CSMD1: variants seen among roughly 807,000 people sequenced by gnomAD.
The protein encoded by CSMD1 is CUB and sushi domain-containing protein 1.
In CSMD1, 213 loss-of-function variants were observed where a neutral mutation model predicts 417.5. The ratio of observed to expected loss-of-function variants is 0.51; its 90% CI spans 0.46 to 0.57. CSMD1 has a LOEUF of 0.57. Among genes scored for constraint, CSMD1 ranks in the 20% least tolerant of loss-of-function variants. CSMD1 has a pLI of 0.00. For synonymous variants in CSMD1, 2,862 were observed against 1,736.8 expected, an observed-to-expected ratio of 1.65 and a Z score of -16.11; for missense variants, 6,923 against 4,529.7, an observed-to-expected ratio of 1.53 and a Z score of -15.17.
chr8:4,280,768 T>C (rs1319143569), intron 3 of CSMD1, among the ~76,000 whole-genome samples: 6 of 152,222 alleles, frequency 3.9e-5, no homozygotes, highest in Non-Finnish European at 1.5e-5. Context: ...AAAAACATGT[T>C]ACTATATATA....
At chr8:3,958,359 AC>A (rs2129954819) in intron 5 of CSMD1, among the ~76,000 whole-genome samples, 1 of 149,844 alleles carries the variant, frequency 6.7e-6, no homozygotes, top group African/African-American at 2.5e-5. Context: ...TTGAACATTA[AC>A]TTTTAAGCTG....
intron 5 of CSMD1, among the ~76,000 whole-genome samples, chr8:3,969,741 G>T (rs181894015): frequency 4.0e-4 from 61 of 151,128 alleles, no homozygotes; most frequent in Admixed American, 4.0e-3. Context: ...ATGTGTAGAT[G>T]CCACAGAGGA....
In CSMD1 at chr8:4,375,276, G is replaced by C. The variant is rs548083582; in HGVS notation, c.415+44677C>G. On this transcript the variant is annotated intron_variant, in intron 3 of 69. Transcript: ENST00000635120. The stretch of plus-strand genomic sequence containing the variant: ...GCAGTTGTCCATAAACAGACTTCAG[G>C]AAAAGACACAAAAAAGTGTCATATC... Among the ~76,000 whole-genome samples the C allele has an allele frequency of 2.3e-3, 353 of 152,186 alleles. 1 individual carries two copies. Among genetic ancestry groups the C allele is most frequent in the African/African-American group, 8.2e-3 (342 of 41,520 alleles).
chr8:4,232,370 TG>T (rs1163349750), intron 3 of CSMD1, among the ~76,000 whole-genome samples: 3 of 152,222 alleles, frequency 2.0e-5, no homozygotes, highest in African/African-American at 7.2e-5. Context: ...GACTAATTTT[TG>T]TATTCTTAGT....
At chr8:4,452,811 C>G (rs769325285) in intron 2 of CSMD1, among the ~76,000 whole-genome samples, 1 of 152,082 alleles carries the variant, frequency 6.6e-6, no homozygotes, top group African/African-American at 2.4e-5. Context: ...AAAAATCCCC[C>G]AGTCCTCAAT....
chr8:4,207,351 AATTAGCTT>A (rs1800039601), intron 3 of CSMD1, among the ~76,000 whole-genome samples: 1 of 152,190 alleles, frequency 6.6e-6, no homozygotes, highest in South Asian at 2.1e-4. Flanking sequence ...ACTAGCAACA[AATTAGCTT>A]AATAGTTTAG....
At chr8:4,455,929 CA>C (rs71207091) in intron 2 of CSMD1, among the ~76,000 whole-genome samples, 10 of 11,644 alleles carry the variant, frequency 8.6e-4, no homozygotes, top group Admixed American at 2.3e-3. Flanking sequence ...ACTCCAACTC[CA>C]AAAAAAAAAA....
In CSMD1 at chr8:3,935,546, G is replaced by A. The variant is rs574226942; in HGVS notation, c.818+62357C>T. On this transcript the variant is annotated intron_variant, in intron 5 of 69. Transcript: ENST00000635120. ...TTTGGTAACTTTCATAATAACCCAG[G>A]CTTCTAGGTATATGATTGTACTTGC... 4.6e-5 allele frequency among the ~76,000 whole-genome samples: 7 copies of A among 152,206 alleles called. No homozygotes were observed. In the South Asian group the frequency reaches 1.2e-3, roughly 27 times the overall value.
intron 31 of CSMD1, among the ~76,000 whole-genome samples, chr8:3,202,584 T>G (rs578088246): frequency 3.3e-4 from 51 of 152,314 alleles, no homozygotes; most frequent in African/African-American, 1.2e-3. Context: ...TTACAAGCAA[T>G]GAACAACTAA....
intron 5 of CSMD1, among the ~76,000 whole-genome samples, chr8:3,879,666 T>C (rs1457650275): frequency 1.3e-5 from 2 of 152,206 alleles, no homozygotes; most frequent in African/African-American, 4.8e-5. Flanking sequence ...TAGACACCAA[T>C]ATTTCTTGAC....
At chr8:4,336,387 G>T (rs531213900) in intron 3 of CSMD1, among the ~76,000 whole-genome samples, 1 of 152,248 alleles carries the variant, frequency 6.6e-6, no homozygotes, top group Non-Finnish European at 1.5e-5. Context: ...CTGACTAGGC[G>T]TGACCCATGG....
intron 1 of CSMD1, among the ~76,000 whole-genome samples, chr8:4,868,708 T>C (rs1437661732): frequency 3.3e-5 from 5 of 152,040 alleles, no homozygotes; most frequent in Admixed American, 6.6e-5. Context: ...GTCGAAAGTA[T>C]TTGATGCGGT....
chr8:4,402,853 C>T (rs1327526708), intron 3 of CSMD1, among the ~76,000 whole-genome samples: 1 of 111,180 alleles, frequency 9.0e-6, no homozygotes, highest in African/African-American at 3.5e-5. Flanking sequence ...CAGAGCCTTG[C>T]TCTGTTGCCA....
intron 6 of CSMD1, among the ~76,000 whole-genome samples, chr8:3,717,755 C>T (rs1801926337): frequency 6.6e-6 from 1 of 152,076 alleles, no homozygotes; most frequent in Non-Finnish European, 1.5e-5. Context: ...CCTTTATGAC[C>T]TCTTTGAACA....
chr8:3,870,555 G>A (rs1000430669), intron 5 of CSMD1, among the ~76,000 whole-genome samples: 1 of 152,180 alleles, frequency 6.6e-6, no homozygotes, highest in East Asian at 1.9e-4. Flanking sequence ...GAAATGTCCA[G>A]CCATTTCTCT....
chr8:3,436,724 C>G (rs1262373383), intron 12 of CSMD1, among the ~76,000 whole-genome samples: 2 of 152,098 alleles, frequency 1.3e-5, no homozygotes, highest in East Asian at 1.9e-4. Context: ...AAAAGGCAGT[C>G]TTTTCAACAC....
In CSMD1 at chr8:3,795,388, A is replaced by G. The variant is rs1362170706; in HGVS notation, c.819-41346T>C. On this transcript the variant is annotated intron_variant, in intron 5 of 69. Transcript: ENST00000635120. Reference sequence around the variant, plus strand: ...GTATATAGATATATATCATGTATAGATATAGATATCTATCATAGATATAGA... The same window carrying G: ...GTATATAGATATATATCATGTATAGGTATAGATATCTATCATAGATATAGA... Among the ~76,000 whole-genome samples, 4 of 45,930 alleles carry G rather than the reference A, an allele frequency of 8.7e-5. 2 individuals carry two copies. Among genetic ancestry groups the G allele is most frequent in the African/African-American group, 3.1e-4 (4 of 12,776 alleles). 30.1% of individuals were successfully genotyped at this position (45,930 alleles called of 152,430 possible).
intron 10 of CSMD1, among the ~76,000 whole-genome samples, chr8:3,554,457 A>G (rs1799054601): frequency 6.6e-6 from 1 of 152,176 alleles, no homozygotes; most frequent in Non-Finnish European, 1.5e-5. Context: ...GAACAGGGTC[A>G]CAGACACCCC....
At chr8:3,957,799 G>T (rs978539284) in intron 5 of CSMD1, among the ~76,000 whole-genome samples, 1 of 152,136 alleles carries the variant, frequency 6.6e-6, no homozygotes, top group Non-Finnish European at 1.5e-5. Flanking sequence ...AATGTTGTTA[G>T]TTTCATAAAG....
Sources: allele counts gnomAD v4.1 joint callset (sites outside exome capture counted in the v4.1 genomes callset), GRCh38; gene constraint gnomAD v4.1.1; transcripts MANE v1.5; gene names NCBI Gene and HGNC (gene_info 2026-07-23, HGNC 2026-07-21).